CBFA2T2: variants seen among roughly 807,000 people sequenced by gnomAD.
CBFA2T2 encodes protein CBFA2T2.
A neutral mutation model predicts 62.2 loss-of-function variants in CBFA2T2; 11 were observed. The ratio of observed to expected loss-of-function variants is 0.18; its 90% CI spans 0.11 to 0.29. The LOEUF (loss-of-function observed/expected upper bound fraction) is 0.29, where lower values mean the gene tolerates loss of function less well. Among genes scored for constraint, CBFA2T2 ranks in the 10% least tolerant of loss-of-function variants. The pLI is 1.00. For synonymous variants in CBFA2T2, 295 were observed against 287.5 expected, an observed-to-expected ratio of 1.03 and a Z score of -0.27; for missense variants, 592 against 774.1, an observed-to-expected ratio of 0.76 and a Z score of 2.79.
At position 33,636,697 on chromosome 20, in the gene CBFA2T2, G is replaced by T; in HGVS notation, c.1286G>T (p.Trp429Leu). The T allele has an allele frequency of 1.2e-6, 2 of 1,612,172 alleles. No individual in the cohort carries two copies. The highest frequency in any genetic ancestry group is 2.2e-5 in the South Asian group (2 of 90,950). The change falls in exon 9 of 11, where the codon TGG (tryptophan) becomes TTG (leucine). Residue 429 changes from tryptophan (W) to leucine (L), a missense_variant. By Grantham distance (61) the Trp-to-Leu change is moderately conservative. This residue lies in a region of CBFA2T2 where 449 missense variants were observed against 551.2 expected (regional missense o/e 0.81). Coordinates refer to ENST00000342704, the MANE Select transcript of CBFA2T2 (RefSeq NM_001032999.3). ...PGTGYVPVEF[W>L]KKTEEAVNKV... ...ACAGGATACGTACCTGTGGAGTTTT[G>T]GAAAAAAACAGGTATGTGTCTGACT...
intron 8 of CBFA2T2, among the ~76,000 whole-genome samples, chr20:33,635,206 T>C (rs953001816): frequency 1.3e-5 from 2 of 152,370 alleles, no homozygotes; most frequent in South Asian, 4.1e-4. Flanking sequence ...AGGAAAATTA[T>C]TTTAATTTAG....
chr20:33,544,784 A>G (rs1600950984), intron 1 of CBFA2T2, among the ~76,000 whole-genome samples: 1 of 151,950 alleles, frequency 6.6e-6, no homozygotes, highest in African/African-American at 2.4e-5. Flanking sequence ...TGACCTCATG[A>G]TCCCCCCGCC....
In CBFA2T2 at chr20:33,647,027, G is replaced by A. The variant is rs1397329531; in HGVS notation, c.*2381G>A. The stretch of plus-strand genomic sequence containing the variant: ...CAGTGAAACAACAGCAGAGAATCAT[G>A]TTCCTTTGCTGTGGAACACATAAGC... On this transcript the variant is annotated 3_prime_UTR_variant, in exon 11 of 11. Coordinates refer to ENST00000342704, the MANE Select transcript of CBFA2T2 (RefSeq NM_001032999.3). 6.6e-6 allele frequency: 1 copy of A among 152,176 alleles called. No individual in the cohort carries two copies. Among genetic ancestry groups the A allele is most frequent in the African/African-American group, 2.4e-5 (1 of 41,444 alleles). 9.4% of individuals were successfully genotyped at this position (152,176 alleles called of 1,614,324 possible).
chr20:33,567,972 G>A (rs377101600), intron 1 of CBFA2T2, among the ~76,000 whole-genome samples: 3 of 152,156 alleles, frequency 2.0e-5, no homozygotes, highest in African/African-American at 4.8e-5. Flanking sequence ...TCAGGCATCC[G>A]CTGGGGGTCT....
At chr20:33,552,685 A>C (rs1034010338) in intron 1 of CBFA2T2, among the ~76,000 whole-genome samples, 2 of 152,186 alleles carry the variant, frequency 1.3e-5, no homozygotes, top group Non-Finnish European at 1.5e-5. Context: ...TTAGGAAGTG[A>C]GACAAATGGG....
intron 8 of CBFA2T2, among the ~76,000 whole-genome samples, chr20:33,633,488 GC>G (rs763660747): frequency 2.2e-4 from 33 of 152,156 alleles, no homozygotes; most frequent in Admixed American, 9.2e-4. Context: ...TTGACTAGAG[GC>G]TTTAGATGGC....
chr20:33,598,044 G>A (rs2014964479), intron 1 of CBFA2T2, among the ~76,000 whole-genome samples: 1 of 152,154 alleles, frequency 6.6e-6, no homozygotes, highest in Admixed American at 6.5e-5. Context: ...AAAGGGGAGG[G>A]AGTGTGCGAA....
intron 3 of CBFA2T2, among the ~76,000 whole-genome samples, chr20:33,618,248 G>C (rs952340748): frequency 6.9e-6 from 1 of 145,668 alleles, no homozygotes; most frequent in African/African-American, 2.5e-5. Flanking sequence ...CTATGTTTTT[G>C]AACACTTACA....
chr20:33,565,622 C>T (rs1290931628), intron 1 of CBFA2T2, among the ~76,000 whole-genome samples: 1 of 152,130 alleles, frequency 6.6e-6, no homozygotes. Flanking sequence ...CTTGCTAGGA[C>T]CAGACATTTC....
At chr20:33,513,449 T>C (rs1228066236) in intron 1 of CBFA2T2, among the ~76,000 whole-genome samples, 6 of 151,198 alleles carry the variant, frequency 4.0e-5, no homozygotes, top group Non-Finnish European at 1.5e-5. Context: ...AACCTTCACC[T>C]CTCAGGTTCA....
At chr20:33,617,515 C>T (rs1247741517) in intron 3 of CBFA2T2, among the ~76,000 whole-genome samples, 2 of 152,232 alleles carry the variant, frequency 1.3e-5, no homozygotes, top group Non-Finnish European at 2.9e-5. Flanking sequence ...CTCACTATTT[C>T]CCTGTGTCAC....
intron 1 of CBFA2T2, chr20:33,574,057 GGGATT>G: frequency 6.9e-7 from 1 of 1,441,478 alleles, no homozygotes; most frequent in Non-Finnish European, 9.3e-7. Context: ...CCAAAGTGCT[GGGATT>G]ACAGGCAAGA....
intron 7 of CBFA2T2, 74 bp from the exon 8 acceptor site, chr20:33,629,644 GC>G: frequency 2.3e-6 from 3 of 1,317,166 alleles, no homozygotes; most frequent in Non-Finnish European, 3.2e-6. Context: ...TCCTCATATT[GC>G]GTTGGCCTGA....
intron 1 of CBFA2T2, among the ~76,000 whole-genome samples, chr20:33,545,012 GA>G (rs2012510081): frequency 1.4e-5 from 2 of 139,772 alleles, no homozygotes; most frequent in South Asian, 2.4e-4. Context: ...GAATAGAATA[GA>G]ACAGAACAGA....
chr20:33,520,346 T>G (rs1409162859), intron 1 of CBFA2T2, among the ~76,000 whole-genome samples: 5 of 152,240 alleles, frequency 3.3e-5, no homozygotes, highest in Non-Finnish European at 5.9e-5. Flanking sequence ...ATCTTTCATT[T>G]GATTGCCTTG....
intron 1 of CBFA2T2, among the ~76,000 whole-genome samples, chr20:33,602,444 A>T (rs1269085797): frequency 1.3e-5 from 2 of 151,548 alleles, no homozygotes; most frequent in African/African-American, 4.9e-5. Context: ...GATTAAAAAA[A>T]AAAAAAAAAC....
At chr20:33,527,091 T>C (rs6059369) in intron 1 of CBFA2T2, among the ~76,000 whole-genome samples, 139,577 of 152,262 alleles carry the variant, frequency 0.92, 64,849 homozygotes, top group Non-Finnish European at 1. Flanking sequence ...CTGAAATAGC[T>C]ATTTGGTAAA....
At chr20:33,505,962 C>T (rs1310685315) in intron 1 of CBFA2T2, among the ~76,000 whole-genome samples, 2 of 149,790 alleles carry the variant, frequency 1.3e-5, no homozygotes, top group African/African-American at 4.9e-5. Context: ...TGGTGGCGCA[C>T]GCCTGTAATC....
At chr20:33,562,533 C>T (rs2013124874) in intron 1 of CBFA2T2, 2 of 985,700 alleles carry the variant, frequency 2.0e-6, no homozygotes, top group Non-Finnish European at 2.4e-6. Flanking sequence ...GACACATGTC[C>T]AGCTAATGAA....
Sources: gnomAD v4.1 joint callset for allele counts (sites outside exome capture counted in the v4.1 genomes callset) on GRCh38, gnomAD v4.1.1 for gene constraint, gnomAD v4.1.1 regional missense constraint, MANE v1.5 for transcripts, NCBI Gene and HGNC (gene_info 2026-07-23, HGNC 2026-07-21) for gene names.